The following BCAM variants were observed in gnomAD, a reference collection of about 807,000 sequenced individuals.
The protein encoded by BCAM is basal cell adhesion molecule.
Under a neutral mutation model 72.4 loss-of-function variants are expected in BCAM, and 61 were observed. That is an observed-to-expected ratio of 0.84 (90% CI 0.69 to 1.04). The LOEUF is 1.04. Among genes scored for constraint, BCAM ranks in the 50% least tolerant of loss-of-function variants. The pLI, the probability that BCAM is intolerant of heterozygous loss-of-function variation, is 0.00. For missense variants in BCAM, 909 were observed against 895.0 expected (o/e 1.02, Z -0.20); for synonymous variants, 408 against 384.2 (o/e 1.06, Z -0.73).
chr19:44,818,779 C>G lies in BCAM; in HGVS notation c.1233C>G (p.Leu411=). 1.1e-5 allele frequency: 17 copies of G among 1,614,122 alleles called. No individual in the cohort carries two copies. Among genetic ancestry groups the G allele is most frequent in the Non-Finnish European group, 1.4e-5 (16 of 1,180,006 alleles). Residue 411 remains leucine, a synonymous_variant, in exon 10 of 15, where the codon CTC becomes CTG. Coordinates refer to ENST00000270233, the MANE Select transcript of BCAM (RefSeq NM_005581.5). The surrounding 1 kb of genome is among the most constrained non-coding windows in gnomAD (Gnocchi z 4.6). The part of the protein sequence containing the change: ...TPLGDGPMLS[L]SSITFDSNGT... ...TGGGCGATGGCCCCATGCTGTCGCT[C>G]AGTTCTATCACCTTCGATTCCAATG...
At position 44,818,656 on chromosome 19, in the gene BCAM, C is replaced by T. The variant is rs368301946; in HGVS notation, c.1194+19C>T. ...GACCAAGGTGAGAGGGAGAGGAGCC[C>T]CCTCGGGCCCTGCACTCGCACCCTC... On this transcript the variant is annotated intron_variant, in intron 9 of 14. Coordinates refer to ENST00000270233, the MANE Select transcript of BCAM (RefSeq NM_005581.5). This position sits in a 1 kb window ranked among gnomAD's most constrained non-coding sequence, Gnocchi z 4.6. 1.9e-4 allele frequency: 314 copies of T among 1,612,408 alleles called. 2 individuals are homozygous for T. In the African/African-American group the frequency reaches 3.8e-3, roughly 20 times the overall value.
rs28399654 is a variant in BCAM, at chr19:44,813,331, G to T, written c.586G>T (p.Val196Leu). 3 of 1,613,934 alleles carry T rather than the reference G, an allele frequency of 1.9e-6. No homozygotes were observed. The East Asian group carries it at 6.7e-5, about 36-fold the overall frequency. ...YRNGQRLEVP[V>L]EMNPEGYMTS... ...CAACGGGCAGCGCCTGGAGGTGCCC[G>T]TAGAGATGAACCCAGGTGAGCAGCG... is the stretch of plus-strand genomic sequence containing the variant. Residue 196 changes from valine (V) to leucine (L), a missense_variant, in exon 5 of 15, where the codon GTA becomes TTA. Val to Leu is a conservative substitution (Grantham distance 32). Transcript: ENST00000270233. The surrounding 1 kb of genome is among the most constrained non-coding windows in gnomAD (Gnocchi z 4.2).
rs903796496 is a variant in BCAM, at chr19:44,812,708, G to A, written c.504+160G>A. ...CTCATGCCTGTAATCCCAGCATTTTGGGAGGCAGAGGCAGGCGGATCACCT... is the reference window on the plus strand; with the variant it reads ...CTCATGCCTGTAATCCCAGCATTTTAGGAGGCAGAGGCAGGCGGATCACCT... On this transcript the variant is annotated intron_variant, in intron 4 of 14. Transcript: ENST00000270233. This position sits in a 1 kb window ranked among gnomAD's most constrained non-coding sequence, Gnocchi z 5.3. The A allele has an allele frequency of 6.4e-5, 50 of 776,700 alleles. No individual in the cohort carries two copies. The highest frequency in any genetic ancestry group is 4.4e-4 in the Admixed American group (15 of 33,986). 48.1% of individuals were successfully genotyped at this position (776,700 alleles called of 1,614,324 possible).
rs768582759 is a variant in BCAM at position 44,814,272 on chromosome 19, C to T, written c.905C>T (p.Thr302Met). The T allele has an allele frequency of 1.0e-5, 16 of 1,595,852 alleles. No individual in the cohort carries two copies. The highest frequency in any genetic ancestry group is 3.6e-5 in the Admixed American group (2 of 55,472). ...RGDGSPSPEY[T>M]LFRLQDEQEE... ...GACGGCAGCCCCAGCCCGGAGTATACGCTTTTCCGCCTTCAGGTGACCCAC... is the reference window on the plus strand; with the variant it reads ...GACGGCAGCCCCAGCCCGGAGTATATGCTTTTCCGCCTTCAGGTGACCCAC... The change falls in exon 7 of 15, where the codon ACG (threonine) becomes ATG (methionine). Residue 302 changes from threonine to methionine, a missense_variant. Physicochemically the swap from Thr to Met is moderately conservative, Grantham distance 81. Coordinates refer to ENST00000270233, the MANE Select transcript of BCAM (RefSeq NM_005581.5). The surrounding 1 kb of genome is among the most constrained non-coding windows in gnomAD (Gnocchi z 4.6).
At position 44,814,279 on chromosome 19, in the gene BCAM, C is replaced by A. The variant is rs772961216; in HGVS notation, c.912C>A (p.Phe304Leu). 6.3e-7 allele frequency: 1 copy of A among 1,595,758 alleles called. No individual in the cohort carries two copies. Among genetic ancestry groups the A allele is most frequent in the Non-Finnish European group, 8.5e-7 (1 of 1,175,998 alleles). ...GCCCCAGCCCGGAGTATACGCTTTT[C>A]CGCCTTCAGGTGACCCACCCAAGGG... ...DGSPSPEYTL[F>L]RLQDEQEEVL... is the part of the protein sequence containing the mutation. Residue 304 changes from phenylalanine to leucine, a missense_variant, in exon 7 of 15, where the codon TTC becomes TTA. Coordinates refer to ENST00000270233, the MANE Select transcript of BCAM (RefSeq NM_005581.5). The surrounding 1 kb of genome is among the most constrained non-coding windows in gnomAD (Gnocchi z 4.6).
chr19:44,816,393 C>T (rs562150719), intron 8 of BCAM, among the ~76,000 whole-genome samples: 31 of 152,304 alleles, frequency 2.0e-4, no homozygotes, highest in Admixed American at 1.7e-3. Context: ...CAGTTGTCCC[C>T]AGTTGGGGTG....
In BCAM at chr19:44,812,145, C is replaced by T; in HGVS notation, c.205-18C>T. On this transcript the variant is annotated intron_variant, in intron 2 of 14. Transcript: ENST00000270233. The surrounding 1 kb of genome is among the most constrained non-coding windows in gnomAD (Gnocchi z 5.3). ...GCGCTGGGACACCCGGAGCTGAGAGCCTGCCCCGCGCCCACAGACCGACCG... is the reference window on the plus strand; with the variant it reads ...GCGCTGGGACACCCGGAGCTGAGAGTCTGCCCCGCGCCCACAGACCGACCG... 1 of 1,582,828 alleles carries T rather than the reference C, an allele frequency of 6.3e-7. No homozygotes were observed. The highest frequency in any genetic ancestry group is 8.5e-7 in the Non-Finnish European group (1 of 1,169,648).
In BCAM at chr19:44,818,646, G is replaced by C; in HGVS notation, c.1194+9G>C. 1 of 1,613,046 alleles carries C rather than the reference G, an allele frequency of 6.2e-7. No homozygotes were observed. On this transcript the variant is annotated intron_variant, in intron 9 of 14. Transcript: ENST00000270233. The surrounding 1 kb of genome is among the most constrained non-coding windows in gnomAD (Gnocchi z 4.6). ...CCCTACGCTGGACCAAGGTGAGAGGGAGAGGAGCCCCCTCGGGCCCTGCAC... is the reference window on the plus strand; with the variant it reads ...CCCTACGCTGGACCAAGGTGAGAGGCAGAGGAGCCCCCTCGGGCCCTGCAC...
chr19:44,820,848 T>C (rs1173872704), intron 14 of BCAM, 26 bp downstream of exon 14: 13 of 1,529,974 alleles, frequency 8.5e-6, no homozygotes, highest in African/African-American at 1.4e-5. Flanking sequence ...GGCCCCCTGG[T>C]GAGAGGGACC....
Position 44,817,978 on chromosome 19 carries a change from T to C in BCAM, c.1079-544T>C, listed in dbSNP as rs572976497. 2.6e-3 allele frequency among the ~76,000 whole-genome samples: 390 copies of C among 152,254 alleles called. 1 individual carries two copies. Among genetic ancestry groups the C allele is most frequent in the Admixed American group, 4.3e-3 (66 of 15,296 alleles). ...AGGTGGCAGGAAGCCAGAGGATTTG[T>C]CCTGGGAGCAGACCAGATAAAGACT... On this transcript the variant is annotated intron_variant, in intron 8 of 14. Transcript: ENST00000270233.
Position 44,812,439 on chromosome 19 carries a change from G to C in BCAM, c.434-39G>C. 6.2e-7 allele frequency: 1 copy of C among 1,614,124 alleles called. No homozygotes were observed. The highest frequency in any genetic ancestry group is 8.5e-7 in the Non-Finnish European group (1 of 1,179,984). ...CGAAGGGAGGCAGGCAGGGAGGGGC[G>C]CAGGGCAGGGGCTCCTGACGTGAAC... On this transcript the variant is annotated intron_variant, in intron 3 of 14. Coordinates refer to ENST00000270233, the MANE Select transcript of BCAM (RefSeq NM_005581.5). The surrounding 1 kb of genome is among the most constrained non-coding windows in gnomAD (Gnocchi z 5.3).
chr19:44,814,202 G>C lies in BCAM; in HGVS notation c.835G>C (p.Gly279Arg). The C allele has an allele frequency of 1.9e-6, 3 of 1,584,436 alleles. No homozygotes were observed. Among genetic ancestry groups the C allele is most frequent in the Non-Finnish European group, 2.6e-6 (3 of 1,170,962 alleles). ...FWVGSPSTPA[G>R]WVREGDTVQL... ...GGTGGGCAGCCCGTCCACCCCAGCA[G>C]GCTGGGTACGCGAGGGTGACACTGT... Residue 279 changes from glycine to arginine, a missense_variant, in exon 7 of 15, where the codon GGC becomes CGC. Gly to Arg is a moderately radical substitution (Grantham distance 125, BLOSUM62 -2). Transcript: ENST00000270233. This position sits in a 1 kb window ranked among gnomAD's most constrained non-coding sequence, Gnocchi z 4.6.
Position 44,818,335 on chromosome 19 carries a change from A to G in BCAM, c.1079-187A>G, listed in dbSNP as rs573669365. Among the ~76,000 whole-genome samples the G allele has an allele frequency of 6.6e-6, 1 of 152,270 alleles. No homozygotes were observed. Among genetic ancestry groups the G allele is most frequent in the South Asian group, 2.1e-4 (1 of 4,818 alleles). Reference sequence around the variant, plus strand: ...ATGTCAATGTTGGGGTTAGACTGCTAGATTTTTGGTTGGAGAGCCTGGATG... The same window carrying G: ...ATGTCAATGTTGGGGTTAGACTGCTGGATTTTTGGTTGGAGAGCCTGGATG... On this transcript the variant is annotated intron_variant, in intron 8 of 14. Coordinates refer to ENST00000270233, the MANE Select transcript of BCAM (RefSeq NM_005581.5). This position sits in a 1 kb window ranked among gnomAD's most constrained non-coding sequence, Gnocchi z 4.6.
intron 11 of BCAM, 48 bp from the exon 12 acceptor site, chr19:44,819,298 C>T: frequency 6.2e-7 from 1 of 1,612,594 alleles, no homozygotes; most frequent in Non-Finnish European, 8.5e-7. Context: ...CTGCCCTTGA[C>T]CCCACCCCTT....
At position 44,812,313 on chromosome 19, in the gene BCAM, G is replaced by T. The variant is rs756893145; in HGVS notation, c.355G>T (p.Asp119Tyr). ...GGTGCTGGCTGAGGCCCAGGTGGGCGACGAGCGAGACTACGTGTGCGTGGT... is the reference window on the plus strand; with the variant it reads ...GGTGCTGGCTGAGGCCCAGGTGGGCTACGAGCGAGACTACGTGTGCGTGGT... ...RLVLAEAQVGDERDYVCVVRA... is the reference protein window; with the variant it reads ...RLVLAEAQVGYERDYVCVVRA... The change falls in exon 3 of 15, where the codon GAC becomes TAC. Residue 119 changes from aspartate (D) to tyrosine (Y), a missense_variant. Asp to Tyr is a radical substitution (Grantham distance 160, BLOSUM62 -3). Transcript: ENST00000270233. The surrounding 1 kb of genome is among the most constrained non-coding windows in gnomAD (Gnocchi z 5.3). 6.2e-7 allele frequency: 1 copy of T among 1,612,500 alleles called. No individual in the cohort carries two copies.
Position 44,812,099 on chromosome 19 carries a change from CAGAG to C in BCAM, c.205-54_205-51del, listed in dbSNP as rs965504287. The C allele has an allele frequency of 6.8e-7, 1 of 1,460,080 alleles. No homozygotes were observed. The highest frequency in any genetic ancestry group is 9.2e-7 in the Non-Finnish European group (1 of 1,082,336). The allele number at this position is 1,460,080 out of a possible 1,614,324, so 90.4% of individuals were successfully genotyped here. A position where few individuals can be genotyped will look rare whatever the true frequency, so the allele number is the denominator to read the frequency against. ...CCAGGAGCTGCAGAGAGAAAGGACCCAGAGAGAGAGAGACTGAGGAGCGCTGGGA... is the reference window on the plus strand; with the variant it reads ...CCAGGAGCTGCAGAGAGAAAGGACCCAGAGAGAGACTGAGGAGCGCTGGGA... On this transcript the variant is annotated intron_variant, in intron 2 of 14. Transcript: ENST00000270233. The surrounding 1 kb of genome is among the most constrained non-coding windows in gnomAD (Gnocchi z 5.3).
intron 13 of BCAM, chr19:44,820,345 C>T: frequency 1.9e-6 from 2 of 1,070,640 alleles, no homozygotes; most frequent in Non-Finnish European, 2.3e-6. Flanking sequence ...TGTCCCCATT[C>T]CTGACTCCAA....
rs777165923 is a variant in BCAM at position 44,814,787 on chromosome 19, C to T, written c.1078+27C>T. 3 of 1,589,642 alleles carry T rather than the reference C, an allele frequency of 1.9e-6. No individual in the cohort carries two copies. Among genetic ancestry groups the T allele is most frequent in the East Asian group, 4.5e-5 (2 of 44,524 alleles). ...TGAGAGCCCTGGGTGAACGGGCGGGCAGGAGGGGCCCTGGCATCAGTGCCT... is the reference window on the plus strand; with the variant it reads ...TGAGAGCCCTGGGTGAACGGGCGGGTAGGAGGGGCCCTGGCATCAGTGCCT... On this transcript the variant is annotated intron_variant, in intron 8 of 14. Transcript: ENST00000270233. The surrounding 1 kb of genome is among the most constrained non-coding windows in gnomAD (Gnocchi z 4.6).
At position 44,821,337 on chromosome 19, in the gene BCAM, T is replaced by TCCTGCCCCCGC. The variant is rs1968590432; in HGVS notation, c.*420_*430dup. 1 of 53,158 alleles carries TCCTGCCCCCGC rather than the reference T, an allele frequency of 1.9e-5. No individual in the cohort carries two copies. Among genetic ancestry groups the TCCTGCCCCCGC allele is most frequent in the Admixed American group, 3.8e-4 (1 of 2,656 alleles). 3.3% of individuals were successfully genotyped at this position (53,158 alleles called of 1,614,324 possible). A position where few individuals can be genotyped will look rare whatever the true frequency, so the allele number is the denominator to read the frequency against. ...CCCCTCACCCCGCCCCTGGTCCCAC[T>TCCTGCCCCCGC]CCTGCCCCCGCCCTACCTCCGCCCC... On this transcript the variant is annotated 3_prime_UTR_variant, in exon 15 of 15. Coordinates refer to ENST00000270233, the MANE Select transcript of BCAM (RefSeq NM_005581.5).
Sources: allele counts gnomAD v4.1 joint callset (sites outside exome capture counted in the v4.1 genomes callset), GRCh38; gene constraint gnomAD v4.1.1; non-coding constraint Gnocchi (gnomAD v3.1); transcripts MANE v1.5; gene names NCBI Gene and HGNC (gene_info 2026-07-23, HGNC 2026-07-21).